CDK14: variants seen among roughly 807,000 people sequenced by gnomAD.
The protein encoded by CDK14 is cyclin dependent kinase 14.
Under a neutral mutation model 60.7 loss-of-function variants are expected in CDK14, and 34 were observed. That is an observed-to-expected ratio of 0.56 (90% confidence interval 0.43 to 0.75). The LOEUF (loss-of-function observed/expected upper bound fraction) is 0.75. CDK14 is among the 30% of genes least tolerant of loss of function. CDK14 has a pLI of 0.00. For synonymous variants in CDK14, 197 were observed against 203.7 expected (o/e 0.97, Z 0.28); for missense variants, 482 against 564.1 (o/e 0.85, Z 1.47).
chr7:90,654,287 A>G (rs903286980), intron 2 of CDK14, among the ~76,000 whole-genome samples: 1 of 152,204 alleles, frequency 6.6e-6, no homozygotes, highest in Non-Finnish European at 1.5e-5. Context: ...AATGAAAACT[A>G]GTAATGTACT....
At chr7:90,887,853 A>G (rs1288963865) in intron 6 of CDK14, among the ~76,000 whole-genome samples, 3 of 152,184 alleles carry the variant, frequency 2.0e-5, no homozygotes, top group Non-Finnish European at 2.9e-5. Context: ...TTTCATTGCC[A>G]TTATTCTTTT....
At chr7:91,202,027 TG>T (rs1554452240) in intron 14 of CDK14, among the ~76,000 whole-genome samples, 3 of 152,168 alleles carry the variant, frequency 2.0e-5, no homozygotes, top group Non-Finnish European at 4.4e-5. Flanking sequence ...GGTCTGTGTC[TG>T]ATGGTTCGTG....
At chr7:91,104,506 C>G (rs1228424708) in intron 12 of CDK14, among the ~76,000 whole-genome samples, 3 of 152,172 alleles carry the variant, frequency 2.0e-5, no homozygotes, top group South Asian at 4.1e-4. Flanking sequence ...TATAGTCCCC[C>G]TGACCTGGCC....
chr7:90,856,453 A>G (rs376417183), intron 5 of CDK14, among the ~76,000 whole-genome samples: 9 of 152,118 alleles, frequency 5.9e-5, no homozygotes, highest in African/African-American at 2.2e-4. Flanking sequence ...GAAGGTCCAG[A>G]TTGATCACAG....
intron 9 of CDK14, among the ~76,000 whole-genome samples, chr7:90,963,423 T>C (rs920290427): frequency 7.3e-5 from 11 of 151,418 alleles, no homozygotes; most frequent in African/African-American, 2.7e-4. Context: ...AAATAAAAAA[T>C]TAAAAAAAAA....
intron 2 of CDK14, chr7:90,709,864 T>C: frequency 7.3e-7 from 1 of 1,371,532 alleles, no homozygotes. Context: ...GTGAATTCAG[T>C]TGCTGTATGA....
At chr7:90,900,681 A>T (rs1253949179) in intron 7 of CDK14, among the ~76,000 whole-genome samples, 1 of 152,106 alleles carries the variant, frequency 6.6e-6, no homozygotes, top group African/African-American at 2.4e-5. Context: ...GGCCCCGGGG[A>T]GCTCAGAAGT....
intron 5 of CDK14, among the ~76,000 whole-genome samples, chr7:90,808,440 C>A (rs1788949964): frequency 6.6e-6 from 1 of 152,152 alleles, no homozygotes; most frequent in Non-Finnish European, 1.5e-5. Context: ...ACCACCAGGC[C>A]TGCCATACAA....
chr7:91,199,464 T>C (rs188261123), intron 14 of CDK14, among the ~76,000 whole-genome samples: 12 of 152,310 alleles, frequency 7.9e-5, no homozygotes, highest in African/African-American at 2.6e-4. Context: ...TCCATGTGTA[T>C]CTAAAATATG....
intron 2 of CDK14, among the ~76,000 whole-genome samples, chr7:90,695,265 T>G (rs1282756342): frequency 6.6e-6 from 1 of 152,242 alleles, no homozygotes; most frequent in African/African-American, 2.4e-5. Flanking sequence ...GGCTGCTCTT[T>G]CTGCCTTGAA....
chr7:90,897,773 C>T (rs924354638), intron 6 of CDK14, among the ~76,000 whole-genome samples: 5 of 151,980 alleles, frequency 3.3e-5, no homozygotes, highest in Admixed American at 6.6e-5. Context: ...CTATTTTAAT[C>T]ATATTTTAGG....
intron 14 of CDK14, among the ~76,000 whole-genome samples, chr7:91,119,874 G>A (rs997625286): frequency 1.3e-5 from 2 of 152,104 alleles, no homozygotes; most frequent in African/African-American, 4.8e-5. Context: ...ATTTCTCCCT[G>A]TTGAATAAAA....
At chr7:90,892,871 T>G (rs967424803) in intron 6 of CDK14, among the ~76,000 whole-genome samples, 1 of 152,198 alleles carries the variant, frequency 6.6e-6, no homozygotes, top group Non-Finnish European at 1.5e-5. Flanking sequence ...CTCTGACTGC[T>G]GGGTTCAAGC....
At chr7:90,636,963 G>A (rs1014865752) in intron 2 of CDK14, among the ~76,000 whole-genome samples, 4 of 151,464 alleles carry the variant, frequency 2.6e-5, no homozygotes, top group Non-Finnish European at 4.4e-5. Context: ...TTGTATTTCT[G>A]TGGGATCGGT....
chr7:91,189,501 C>T (rs1395025118), intron 14 of CDK14, among the ~76,000 whole-genome samples: 1 of 152,048 alleles, frequency 6.6e-6, no homozygotes, highest in Non-Finnish European at 1.5e-5. Flanking sequence ...TGACAATTAC[C>T]ACTTAAAATT....
intron 7 of CDK14, among the ~76,000 whole-genome samples, chr7:90,914,264 C>T (rs991716047): frequency 6.6e-5 from 10 of 152,264 alleles, no homozygotes; most frequent in East Asian, 3.9e-4. Context: ...TCTTGTGATT[C>T]GTTCCCTTCT....
chr7:90,828,770 T>C (rs1192502401), intron 5 of CDK14, among the ~76,000 whole-genome samples: 4 of 152,240 alleles, frequency 2.6e-5, no homozygotes, highest in South Asian at 2.1e-4. Flanking sequence ...ACAATTCAGA[T>C]GTTTGAGGTC....
chr7:90,912,838 T>C (rs1792952634), intron 7 of CDK14, among the ~76,000 whole-genome samples: 1 of 152,136 alleles, frequency 6.6e-6, no homozygotes, highest in Non-Finnish European at 1.5e-5. Context: ...TCTTGAACTC[T>C]TGAAGTCAAG....
chr7:90,808,346 T>C (rs1027211495), intron 5 of CDK14, among the ~76,000 whole-genome samples: 4 of 151,810 alleles, frequency 2.6e-5, no homozygotes, highest in African/African-American at 7.3e-5. Flanking sequence ...CAACCCAGAG[T>C]TTCATATCCA....
Sources: allele counts gnomAD v4.1 joint callset (sites outside exome capture counted in the v4.1 genomes callset), GRCh38; gene constraint gnomAD v4.1.1; transcripts MANE v1.5; gene names NCBI Gene and HGNC (gene_info 2026-07-23, HGNC 2026-07-21).